FBXO6: variants seen among roughly 807,000 people sequenced by gnomAD.
FBXO6 encodes F-box protein 6.
Under a neutral mutation model 25.0 loss-of-function variants are expected in FBXO6, and 13 were observed. The observed-to-expected ratio is 0.52, with a 90% CI of 0.34 to 0.83. FBXO6 has a LOEUF of 0.83. Ranked by LOEUF, FBXO6 falls within the 40% of genes least tolerant of loss-of-function variation. FBXO6 has a pLI of 0.02. For missense variants in FBXO6, 370 were observed against 380.2 expected (o/e 0.97, Z 0.22); for synonymous variants, 138 against 155.3 (o/e 0.89, Z 0.83).
Position 11,669,679 on chromosome 1 carries a change from CAT to C in FBXO6, c.286+741_286+742del, listed in dbSNP as rs1216629827. Among the ~76,000 whole-genome samples the C allele has an allele frequency of 1.1e-3, 87 of 81,492 alleles. 1 individual carries two copies. The East Asian group carries it at 0.02, about 19-fold the overall frequency. 53.5% of individuals were successfully genotyped at this position (81,492 alleles called of 152,430 possible). A position where few individuals can be genotyped will look rare whatever the true frequency, so the allele number is the denominator to read the frequency against. The stretch of plus-strand genomic sequence containing the variant: ...ACATATACACATGTATATATGTACA[CAT>C]ATATACGTATATATACATATGTATA... On this transcript the variant is annotated intron_variant, in intron 2 of 5. Coordinates refer to ENST00000376753, the MANE Select transcript of FBXO6 (RefSeq NM_018438.6).
chr1:11,668,288 G>A (rs1640500335), intron 1 of FBXO6, among the ~76,000 whole-genome samples: 1 of 151,828 alleles, frequency 6.6e-6, no homozygotes, highest in Admixed American at 6.6e-5. Context: ...TGTCTCTAAA[G>A]ACTTTACTAT....
At chr1:11,669,616 A>G in intron 2 of FBXO6, among the ~76,000 whole-genome samples, 1 of 145,572 alleles carries the variant, frequency 6.9e-6, no homozygotes, top group Admixed American at 6.7e-5. Context: ...ATGTATACAT[A>G]TACGTATATA....
chr1:11,671,374 AT>A lies in FBXO6; in HGVS notation c.399del (p.Phe133LeufsTer17). On this transcript the variant is annotated frameshift_variant, in exon 3 of 6. Transcript: ENST00000376753. LOFTEE classifies it high-confidence loss of function. ...TDFPDPKVKK[Y>X]FVTSYEMCLK... is the part of the protein sequence containing the mutation. Reference sequence around the variant, plus strand: ...TTTCCTGACCCCAAAGTCAAGAAGTATTTTGTCACATCCTACGAGTAAGGCA... The same window carrying A: ...TTTCCTGACCCCAAAGTCAAGAAGTATTTGTCACATCCTACGAGTAAGGCA... 6.2e-7 allele frequency: 1 copy of A among 1,613,996 alleles called. No individual in the cohort carries two copies. Among genetic ancestry groups the A allele is most frequent in the Non-Finnish European group, 8.5e-7 (1 of 1,179,912 alleles).
At chr1:11,665,139 G>C (rs1406266103) in intron 1 of FBXO6, among the ~76,000 whole-genome samples, 1 of 151,642 alleles carries the variant, frequency 6.6e-6, no homozygotes, top group Non-Finnish European at 1.5e-5. Context: ...CGACTTCCTG[G>C]GCTCAAGCGT....
At position 11,674,281 on chromosome 1, in the gene FBXO6, G is replaced by C. The variant is rs954494281; in HGVS notation, c.*430G>C. 6.3e-6 allele frequency: 1 copy of C among 159,658 alleles called. No individual in the cohort carries two copies. Among genetic ancestry groups the C allele is most frequent in the African/African-American group, 2.4e-5 (1 of 41,762 alleles). The allele number at this position is 159,658 out of a possible 1,614,324, so 9.9% of individuals were successfully genotyped here. Reference sequence around the variant, plus strand: ...ATCACGCCACTGCACTCCAGCCTGGGTGACAGAGCGAGACTCTGGCTCATA... The same window carrying C: ...ATCACGCCACTGCACTCCAGCCTGGCTGACAGAGCGAGACTCTGGCTCATA... On this transcript the variant is annotated 3_prime_UTR_variant, in exon 6 of 6. Transcript: ENST00000376753. The surrounding 1 kb of genome is among the most constrained non-coding windows in gnomAD (Gnocchi z 6.1).
intron 1 of FBXO6, among the ~76,000 whole-genome samples, chr1:11,665,554 C>CTTTTT (rs70983579): frequency 0.13 from 4,978 of 37,852 alleles, 1,507 homozygotes; most frequent in Non-Finnish European, 0.15. Context: ...CGCGCCCGGC[C>CTTTTT]TTTTTTTTTT....
chr1:11,665,934 A>AT (rs915430163), intron 1 of FBXO6, among the ~76,000 whole-genome samples: 3 of 143,876 alleles, frequency 2.1e-5, no homozygotes, highest in East Asian at 2.0e-4. Flanking sequence ...CAACTTTTAC[A>AT]TTTTTTTTCA....
At position 11,673,802 on chromosome 1, in the gene FBXO6, A is replaced by G. The variant is rs2100702394; in HGVS notation, c.833A>G (p.Gln278Arg). 6.2e-7 allele frequency: 1 copy of G among 1,614,124 alleles called. No homozygotes were observed. Among genetic ancestry groups the G allele is most frequent in the East Asian group, 2.2e-5 (1 of 44,884 alleles). Residue 278 changes from glutamine to arginine, a missense_variant, in exon 6 of 6, where the codon CAG (glutamine) becomes CGG (arginine). Gln to Arg is a conservative substitution (Grantham distance 43). Coordinates refer to ENST00000376753, the MANE Select transcript of FBXO6 (RefSeq NM_018438.6). This position sits in a 1 kb window ranked among gnomAD's most constrained non-coding sequence, Gnocchi z 4.3. ...SEAQPGQKHG[Q>R]EEAAQSPYRA... The stretch of plus-strand genomic sequence containing the variant: ...GCTCAGCCTGGGCAGAAGCATGGAC[A>G]GGAGGAGGCTGCCCAATCGCCCTAC...
chr1:11,673,691 AC>A lies in FBXO6; in HGVS notation c.723del (p.Trp242GlyfsTer20). 1.2e-6 allele frequency: 2 copies of A among 1,614,082 alleles called. No individual in the cohort carries two copies. Among genetic ancestry groups the A allele is most frequent in the South Asian group, 2.2e-5 (2 of 91,084 alleles). Reference protein sequence around the residue: ...LFQHGGRDTQYWAGWYGPRVT... With the variant: ...LFQHGGRDTQXWAGWYGPRVT... ...CAGCATGGGGGCAGGGACACCCAGT[AC>A]TGGGCAGGCTGGTATGGGCCCCGAG... On this transcript the variant is annotated frameshift_variant, in exon 6 of 6. Coordinates refer to ENST00000376753, the MANE Select transcript of FBXO6 (RefSeq NM_018438.6). LOFTEE classifies it low-confidence loss of function (END_TRUNC). The surrounding 1 kb of genome is among the most constrained non-coding windows in gnomAD (Gnocchi z 4.3).
chr1:11,673,599 C>T lies in FBXO6; in HGVS notation c.646-16C>T, dbSNP rs1166734443. ...CCCCGTCCCGGTGGTCACTTCCTCT[C>T]CCTTCCTCCCAACAGGTCTCCTACA... On this transcript the variant is annotated splice_polypyrimidine_tract_variant and intron_variant, in intron 5 of 5. Coordinates refer to ENST00000376753, the MANE Select transcript of FBXO6 (RefSeq NM_018438.6). This position sits in a 1 kb window ranked among gnomAD's most constrained non-coding sequence, Gnocchi z 4.3. 2.5e-6 allele frequency: 4 copies of T among 1,609,106 alleles called. No individual in the cohort carries two copies. The South Asian group carries it at 3.3e-5, about 13-fold the overall frequency.
At chr1:11,669,731 T>C (rs1240282143) in intron 2 of FBXO6, among the ~76,000 whole-genome samples, 2 of 118,464 alleles carry the variant, frequency 1.7e-5, no homozygotes, top group African/African-American at 3.0e-5. Context: ...CATATATACA[T>C]ATACATACAC....
intron 1 of FBXO6, among the ~76,000 whole-genome samples, chr1:11,667,022 C>T (rs1640457656): frequency 6.6e-6 from 1 of 152,062 alleles, no homozygotes. Flanking sequence ...TGGCGGGCAC[C>T]TGTAATCACA....
chr1:11,671,507 A>C, intron 3 of FBXO6, 115 bp downstream of exon 3: 1 of 1,460,916 alleles, frequency 6.8e-7, no homozygotes, highest in Non-Finnish European at 9.2e-7. Flanking sequence ...AGCTCGAGGG[A>C]GGTGGCCCCA....
rs543434228 is a variant in FBXO6, at chr1:11,669,823, G to A, written c.286+879G>A. Reference sequence around the variant, plus strand: ...AGCTAATTTTTGTACTTTTAGTAGAGATGAGGTTTTGCCATGTTGGCCAGG... The same window carrying A: ...AGCTAATTTTTGTACTTTTAGTAGAAATGAGGTTTTGCCATGTTGGCCAGG... On this transcript the variant is annotated intron_variant, in intron 2 of 5. Transcript: ENST00000376753. Among the ~76,000 whole-genome samples the A allele has an allele frequency of 6.4e-3, 966 of 149,960 alleles. 8 individuals are homozygous for A. Among genetic ancestry groups the A allele is most frequent in the Non-Finnish European group, 0.011 (768 of 67,322 alleles).
At chr1:11,668,604 ACCTGAGGG>A in intron 1 of FBXO6, 44 bp from the exon 2 acceptor site, 1 of 1,583,294 alleles carries the variant, frequency 6.3e-7, no homozygotes, top group Non-Finnish European at 8.6e-7. Context: ...TTCCCTGGGG[ACCTGAGGG>A]CCCACCTCCC....
Position 11,671,909 on chromosome 1 carries a change from C to G in FBXO6, c.414-19C>G. On this transcript the variant is annotated intron_variant, in intron 3 of 5. Coordinates refer to ENST00000376753, the MANE Select transcript of FBXO6 (RefSeq NM_018438.6). ...GCAGAGCACACCCAGGTATGCAAGC[C>G]CCCAACTCTGCTCCCCAGAATGTGC... 6 of 1,610,104 alleles carry G rather than the reference C, an allele frequency of 3.7e-6. No individual in the cohort carries two copies. Among genetic ancestry groups the G allele is most frequent in the Non-Finnish European group, 5.1e-6 (6 of 1,176,344 alleles).
chr1:11,671,879 G>C, intron 3 of FBXO6, 49 bp from the exon 4 acceptor site: 1 of 1,423,854 alleles, frequency 7.0e-7, no homozygotes, highest in Non-Finnish European at 9.9e-7. Context: ...GAGGGGGGGG[G>C]CCATGCAGAG....
intron 1 of FBXO6, among the ~76,000 whole-genome samples, chr1:11,665,349 C>A (rs1390861764): frequency 6.7e-6 from 1 of 149,230 alleles, no homozygotes; most frequent in Non-Finnish European, 1.5e-5. Flanking sequence ...CTCAGCCTCC[C>A]GAGTAGCTGG....
At position 11,673,199 on chromosome 1, in the gene FBXO6, T is replaced by C. The variant is rs1332750662; in HGVS notation, c.510-78T>C. The C allele has an allele frequency of 1.3e-6, 2 of 1,496,916 alleles. No individual in the cohort carries two copies. The highest frequency in any genetic ancestry group is 2.8e-5 in the African/African-American group (2 of 71,548). The allele number at this position is 1,496,916 out of a possible 1,614,324, so 92.7% of individuals were successfully genotyped here. ...TGGGAGATGAAGCTCCGAGCTCCAA[T>C]GTATAGGTCCCACCTGCCCCCACCC... is the stretch of plus-strand genomic sequence containing the variant. On this transcript the variant is annotated intron_variant, in intron 4 of 5. Transcript: ENST00000376753. The surrounding 1 kb of genome is among the most constrained non-coding windows in gnomAD (Gnocchi z 4.3).
Sources: gnomAD v4.1 joint callset for allele counts (sites outside exome capture counted in the v4.1 genomes callset) on GRCh38, gnomAD v4.1.1 for gene constraint, Gnocchi (gnomAD v3.1) non-coding constraint, MANE v1.5 for transcripts, NCBI Gene and HGNC (gene_info 2026-07-23, HGNC 2026-07-21) for gene names.